The following KAZN variants were observed in gnomAD, a reference collection of about 807,000 sequenced individuals.
The protein encoded by KAZN is kazrin.
In KAZN, 40 loss-of-function variants were observed where a neutral mutation model predicts 87.4. The ratio of observed to expected loss-of-function variants is 0.46; its 90% confidence interval spans 0.36 to 0.60. The LOEUF (loss-of-function observed/expected upper bound fraction) is 0.60, where lower values mean the gene tolerates loss of function less well. KAZN is among the 20% of genes least tolerant of loss of function. KAZN has a pLI of 0.00. For synonymous variants in KAZN, 466 were observed against 458.3 expected (o/e 1.02, Z -0.22); for missense variants, 898 against 1,073.9 (o/e 0.84, Z 2.29).
intron 2 of KAZN, among the ~76,000 whole-genome samples, chr1:14,202,876 G>T (rs1398737986): frequency 6.6e-6 from 1 of 151,904 alleles, no homozygotes; most frequent in Non-Finnish European, 1.5e-5. Flanking sequence ...AAGTTAGCTG[G>T]GCATGGTCGT....
At chr1:14,002,887 T>A (rs1639861488) in intron 1 of KAZN, among the ~76,000 whole-genome samples, 1 of 152,174 alleles carries the variant, frequency 6.6e-6, no homozygotes, top group Admixed American at 6.5e-5. Flanking sequence ...ATTATTCTAC[T>A]ATAAAGACAC....
intron 2 of KAZN, among the ~76,000 whole-genome samples, chr1:14,346,004 G>A (rs751729506): frequency 1.7e-4 from 26 of 152,182 alleles, no homozygotes; most frequent in Non-Finnish European, 2.6e-4. Flanking sequence ...GTGTCATTTC[G>A]ATAAAAGTAA....
intron 2 of KAZN, among the ~76,000 whole-genome samples, chr1:14,517,786 C>A (rs529056332): frequency 6.6e-6 from 1 of 152,296 alleles, no homozygotes; most frequent in African/African-American, 2.4e-5. Context: ...ACACAGCTGC[C>A]AAGAGGAACA....
At chr1:14,259,486 G>A (rs567633174) in intron 2 of KAZN, among the ~76,000 whole-genome samples, 3 of 152,056 alleles carry the variant, frequency 2.0e-5, no homozygotes, top group South Asian at 4.1e-4. Flanking sequence ...TCTGAGGCAC[G>A]CCTTTGCCTT....
intron 1 of KAZN, among the ~76,000 whole-genome samples, chr1:14,165,230 G>A (rs532776837): frequency 6.6e-6 from 1 of 151,854 alleles, no homozygotes; most frequent in East Asian, 1.9e-4. Context: ...ATTTCTCGGT[G>A]GGCCCTCATC....
At chr1:14,365,051 T>C (rs959073230) in intron 2 of KAZN, among the ~76,000 whole-genome samples, 7 of 148,038 alleles carry the variant, frequency 4.7e-5, no homozygotes, top group African/African-American at 1.5e-4. Flanking sequence ...CCCCCTCTCT[T>C]TTTTTTTTTT....
rs2100565506 is a variant in KAZN at position 15,065,767 on chromosome 1, T to C, written c.1222+14T>C. On this transcript the variant is annotated intron_variant, in intron 8 of 14. Transcript: ENST00000376030. ...GCCTCTTTGATGGTACCGCCCCTGA[T>C]TATTACATAGAGGAGGACGCGGACT... 1 of 1,614,020 alleles carries C rather than the reference T, an allele frequency of 6.2e-7. No individual in the cohort carries two copies.
At chr1:14,860,978 T>C (rs1379629917) in intron 1 of KAZN, among the ~76,000 whole-genome samples, 1 of 152,236 alleles carries the variant, frequency 6.6e-6, no homozygotes, top group Admixed American at 6.5e-5. Context: ...TCTTGTCTCT[T>C]GTCCCTGGTG....
intron 1 of KAZN, chr1:14,692,326 C>T (rs969858379): frequency 3.5e-5 from 16 of 457,470 alleles, no homozygotes; most frequent in Middle Eastern, 6.1e-4. Context: ...TCACCATCTT[C>T]GGCTCTCATT....
chr1:14,634,969 G>A (rs1679851716), intron 1 of KAZN, among the ~76,000 whole-genome samples: 1 of 152,062 alleles, frequency 6.6e-6, no homozygotes, highest in Non-Finnish European at 1.5e-5. Flanking sequence ...CCTTCTAAAG[G>A]CTGAATGCAC....
chr1:14,555,026 A>G (rs1275658550), intron 2 of KAZN, among the ~76,000 whole-genome samples: 1 of 152,206 alleles, frequency 6.6e-6, no homozygotes, highest in Non-Finnish European at 1.5e-5. Flanking sequence ...GGTTACAGTT[A>G]CAGCCGTGGA....
In KAZN at chr1:14,434,702, C is replaced by T. The variant is rs184318671; in HGVS notation, c.250-164281C>T. Among the ~76,000 whole-genome samples, 200 of 152,272 alleles carry T rather than the reference C, an allele frequency of 1.3e-3. 3 individuals are homozygous for T. Among genetic ancestry groups the T allele is most frequent in the African/African-American group, 4.7e-3 (194 of 41,552 alleles). On this transcript the variant is annotated intron_variant, in intron 2 of 16. Coordinates refer to the KAZN transcript ENST00000636203. The stretch of plus-strand genomic sequence containing the variant: ...CTGGAAGAGAACTGGCCTCAGTCCA[C>T]GGAGCAGGGTGCAGCTCAGGCATGA...
intron 1 of KAZN, among the ~76,000 whole-genome samples, chr1:14,926,831 AAGG>A (rs1659220149): frequency 6.6e-6 from 1 of 152,212 alleles, no homozygotes; most frequent in Non-Finnish European, 1.5e-5. Flanking sequence ...TGCTCAGTTT[AAGG>A]AGCTGAAAGA....
chr1:15,024,319 G>A (rs1206638255), intron 2 of KAZN, among the ~76,000 whole-genome samples: 6 of 152,240 alleles, frequency 3.9e-5, no homozygotes, highest in African/African-American at 9.6e-5. Context: ...CTCAGAGGTC[G>A]TTGGCGACCG....
chr1:14,564,453 T>C (rs550917659), intron 2 of KAZN, among the ~76,000 whole-genome samples: 12 of 152,164 alleles, frequency 7.9e-5, no homozygotes, highest in Admixed American at 1.3e-4. Flanking sequence ...ATCTTGAATA[T>C]GGGATGATAA....
Position 14,692,309 on chromosome 1 carries a change from A to C in KAZN, c.226+93086A>C, listed in dbSNP as rs997870755. On this transcript the variant is annotated intron_variant, in intron 1 of 14. Coordinates refer to ENST00000376030, the MANE Select transcript of KAZN (RefSeq NM_201628.3). ...GGATCTCTGCCTGCTTTTTAATGGC[A>C]TAATTTTCACCATCTTCGGCTCTCA... The C allele has an allele frequency of 2.5e-5, 13 of 527,222 alleles. 1 individual carries two copies. The highest frequency in any genetic ancestry group is 3.2e-5 in the Non-Finnish European group (10 of 317,174). The allele number at this position is 527,222 out of a possible 1,614,324, so 32.7% of individuals were successfully genotyped here.
At chr1:14,465,567 C>A (rs1668080203) in intron 2 of KAZN, among the ~76,000 whole-genome samples, 1 of 152,024 alleles carries the variant, frequency 6.6e-6, no homozygotes, top group South Asian at 2.1e-4. Flanking sequence ...AGCGAGCATT[C>A]CAGGGGACCC....
chr1:14,671,100 T>A (rs1383013937), intron 1 of KAZN, among the ~76,000 whole-genome samples: 1 of 152,168 alleles, frequency 6.6e-6, no homozygotes, highest in Admixed American at 6.5e-5. Flanking sequence ...TAATCACAGA[T>A]GTTGAGCCAG....
At chr1:14,851,188 T>C (rs1231424452) in intron 1 of KAZN, among the ~76,000 whole-genome samples, 1 of 152,168 alleles carries the variant, frequency 6.6e-6, no homozygotes. Flanking sequence ...CACTTCTAAG[T>C]GCACCAGGAT....
Sources: gnomAD v4.1 joint callset for allele counts (sites outside exome capture counted in the v4.1 genomes callset) on GRCh38, gnomAD v4.1.1 for gene constraint, MANE v1.5 for transcripts, NCBI Gene and HGNC (gene_info 2026-07-23, HGNC 2026-07-21) for gene names.